Variants in RAI14 observed in about 807,000 individuals in gnomAD.
The protein encoded by RAI14 is ankycorbin.
RAI14 carries 45 observed loss-of-function variants against 115.4 expected under a neutral mutation model. The observed-to-expected ratio is 0.39, with a 90% CI of 0.31 to 0.50. The LOEUF (loss-of-function observed/expected upper bound fraction) is 0.50. RAI14 is among the 20% of genes least tolerant of loss of function. RAI14 has a pLI of 0.85. For missense variants in RAI14, 939 were observed against 1,131.2 expected, an observed-to-expected ratio of 0.83 and a Z score of 2.44; for synonymous variants, 371 against 415.4, an observed-to-expected ratio of 0.89 and a Z score of 1.30.
chr5:34,675,181 C>T (rs1202180470), intron 1 of RAI14, among the ~76,000 whole-genome samples: 5 of 152,224 alleles, frequency 3.3e-5, no homozygotes, highest in Non-Finnish European at 5.9e-5. Context: ...AGGCGTGAGC[C>T]TCCCGTGCCC....
intron 3 of RAI14, among the ~76,000 whole-genome samples, chr5:34,769,541 G>C (rs1749877022): frequency 6.6e-6 from 1 of 152,146 alleles, no homozygotes; most frequent in Non-Finnish European, 1.5e-5. Context: ...TTTAGATATT[G>C]CAGCAAATGA....
In RAI14 at chr5:34,713,611, G is replaced by A. The variant is rs1012278990; in HGVS notation, c.36+26656G>A. Among the ~76,000 whole-genome samples, 7 of 152,196 alleles carry A rather than the reference G, an allele frequency of 4.6e-5. No individual in the cohort carries two copies. The South Asian group carries it at 1.5e-3, about 32-fold the overall frequency. On this transcript the variant is annotated intron_variant, in intron 2 of 17. Transcript: ENST00000265109. ...GATAATGTCTCACTGTGTTACTCAA[G>A]CTGGTCTTGAACTCTTGGTCTCAAT... is the stretch of plus-strand genomic sequence containing the variant.
At chr5:34,790,704 G>C (rs1448944797) in intron 3 of RAI14, among the ~76,000 whole-genome samples, 1 of 150,320 alleles carries the variant, frequency 6.7e-6, no homozygotes, top group African/African-American at 2.4e-5. Context: ...GTAGAATATG[G>C]TACAAGGTAT....
chr5:34,687,865 C>G (rs1374518369), intron 2 of RAI14: 1 of 1,122,518 alleles, frequency 8.9e-7, no homozygotes, highest in Non-Finnish European at 1.3e-6. Context: ...GAGGCTGTGT[C>G]TTTTATGGCT....
At chr5:34,670,664 C>A (rs1016864565) in intron 1 of RAI14, among the ~76,000 whole-genome samples, 1 of 152,156 alleles carries the variant, frequency 6.6e-6, no homozygotes, top group African/African-American at 2.4e-5. Flanking sequence ...AACACATCTG[C>A]CTTGCATCTT....
chr5:34,689,018 C>T (rs776803488), intron 2 of RAI14, among the ~76,000 whole-genome samples: 24 of 152,146 alleles, frequency 1.6e-4, no homozygotes, highest in Non-Finnish European at 2.8e-4. Context: ...TAGAACTTTA[C>T]GTTCTAGAAC....
intron 6 of RAI14, 126 bp from the exon 7 acceptor site, chr5:34,808,458 A>G: frequency 1.2e-6 from 1 of 828,048 alleles, no homozygotes; most frequent in Non-Finnish European, 2.0e-6. Context: ...ATTTCTCTTC[A>G]ATGCAACTAG....
intron 5 of RAI14, among the ~76,000 whole-genome samples, chr5:34,804,069 C>T (rs1754590052): frequency 6.6e-6 from 1 of 152,090 alleles, no homozygotes; most frequent in Non-Finnish European, 1.5e-5. Flanking sequence ...GGACTTACAC[C>T]CTCTAAATAG....
chr5:34,808,963 C>T (rs905019843), intron 7 of RAI14, among the ~76,000 whole-genome samples: 5 of 152,154 alleles, frequency 3.3e-5, no homozygotes, highest in East Asian at 1.9e-4. Flanking sequence ...ACTGCTCACT[C>T]GCCTGCCACT....
At chr5:34,748,324 G>A (rs1016823539) in intron 2 of RAI14, among the ~76,000 whole-genome samples, 7 of 152,298 alleles carry the variant, frequency 4.6e-5, no homozygotes, top group African/African-American at 1.4e-4. Flanking sequence ...CTGAAGTAAC[G>A]AACATTATCT....
chr5:34,784,902 G>A (rs1752116050), intron 3 of RAI14, among the ~76,000 whole-genome samples: 1 of 152,174 alleles, frequency 6.6e-6, no homozygotes, highest in Admixed American at 6.5e-5. Context: ...ATGTCCCCTA[G>A]TAATTTTTGA....
intron 7 of RAI14, among the ~76,000 whole-genome samples, chr5:34,810,716 C>T (rs965622044): frequency 6.6e-6 from 1 of 152,116 alleles, no homozygotes; most frequent in African/African-American, 2.4e-5. Flanking sequence ...CCTTTACACA[C>T]TTTGTGTTCT....
At chr5:34,698,404 T>G (rs181737858) in intron 2 of RAI14, among the ~76,000 whole-genome samples, 1 of 151,658 alleles carries the variant, frequency 6.6e-6, no homozygotes, top group South Asian at 2.1e-4. Flanking sequence ...CCTAAAATTG[T>G]GTGTGTGATG....
intron 3 of RAI14, among the ~76,000 whole-genome samples, chr5:34,789,437 G>T (rs1752678536): frequency 1.3e-5 from 2 of 152,190 alleles, no homozygotes; most frequent in Admixed American, 1.3e-4. Context: ...CCTGCTTTGG[G>T]GATGATCACT....
At chr5:34,802,052 AAAAAG>A (rs766792426) in intron 4 of RAI14, among the ~76,000 whole-genome samples, 2 of 152,198 alleles carry the variant, frequency 1.3e-5, no homozygotes, top group East Asian at 1.9e-4. Context: ...CTCAGAAAAA[AAAAAG>A]AAAAGAAATT....
chr5:34,688,524 TA>T (rs1359414461), intron 2 of RAI14, among the ~76,000 whole-genome samples: 1 of 152,004 alleles, frequency 6.6e-6, no homozygotes, highest in African/African-American at 2.4e-5. Flanking sequence ...AAAACTGAAA[TA>T]TTTCCATGAT....
chr5:34,827,677 A>C lies in RAI14; in HGVS notation c.2799+1198A>C, dbSNP rs570730992. ...GAAGCTGCTCTTTACTGTGTTCTGC[A>C]GGTCATTCTTCTCCTGATAAAATGG... is the stretch of plus-strand genomic sequence containing the variant. On this transcript the variant is annotated intron_variant, in intron 16 of 17. Transcript: ENST00000265109. The surrounding 1 kb of genome is among the most constrained non-coding windows in gnomAD (Gnocchi z 4.2). 6.6e-6 allele frequency among the ~76,000 whole-genome samples: 1 copy of C among 152,358 alleles called. No homozygotes were observed. Among genetic ancestry groups the C allele is most frequent in the South Asian group, 2.1e-4 (1 of 4,828 alleles).
At chr5:34,802,636 C>T (rs1005206687) in intron 4 of RAI14, among the ~76,000 whole-genome samples, 10 of 152,270 alleles carry the variant, frequency 6.6e-5, no homozygotes, top group African/African-American at 2.2e-4. Context: ...AGGGAATCAA[C>T]AGGGGTGTCT....
intron 1 of RAI14, among the ~76,000 whole-genome samples, chr5:34,673,614 A>G (rs1444747783): frequency 6.6e-6 from 1 of 152,202 alleles, no homozygotes; most frequent in Non-Finnish European, 1.5e-5. Flanking sequence ...CCCGAGGGCA[A>G]GTGTCAGAGA....
Sources: gnomAD v4.1 joint callset for allele counts (sites outside exome capture counted in the v4.1 genomes callset) on GRCh38, gnomAD v4.1.1 for gene constraint, Gnocchi (gnomAD v3.1) non-coding constraint, MANE v1.5 for transcripts, NCBI Gene and HGNC (gene_info 2026-07-23, HGNC 2026-07-21) for gene names.